NMNAT2: variants seen among roughly 807,000 people sequenced by gnomAD.
NMNAT2 encodes nicotinamide/nicotinic acid mononucleotide adenylyltransferase 2.
NMNAT2 carries 11 observed loss-of-function variants against 41.6 expected under a neutral mutation model. The ratio of observed to expected loss-of-function variants is 0.26; its 90% confidence interval spans 0.17 to 0.44. The LOEUF (loss-of-function observed/expected upper bound fraction) is 0.44, where lower values mean the gene tolerates loss of function less well. Among genes scored for constraint, NMNAT2 ranks in the 20% least tolerant of loss-of-function variants. NMNAT2 has a pLI of 1.00. For missense variants in NMNAT2, 288 were observed against 407.7 expected (o/e 0.71, Z 2.53); for synonymous variants, 148 against 151.2 (o/e 0.98, Z 0.16).
chr1:183,417,984 G>T (rs985980668), intron 1 of NMNAT2, among the ~76,000 whole-genome samples, 199 bp downstream of exon 1: 2 of 151,672 alleles, frequency 1.3e-5, no homozygotes, highest in Non-Finnish European at 2.9e-5. Flanking sequence ...GTCTGGCCCC[G>T]GCAAGTGACG....
In NMNAT2 at chr1:183,252,525, G is replaced by C. The variant is rs1660416759; in HGVS notation, c.*116C>G. On this transcript the variant is annotated 3_prime_UTR_variant, in exon 11 of 11. Coordinates refer to ENST00000287713, the MANE Select transcript of NMNAT2 (RefSeq NM_015039.4). ...GGTCCCCCACACTATGGGGGGTTAAGTCAGCAAGTAGGGAAAACAGTCAAG... is the reference window on the plus strand; with the variant it reads ...GGTCCCCCACACTATGGGGGGTTAACTCAGCAAGTAGGGAAAACAGTCAAG... 1 of 781,542 alleles carries C rather than the reference G, an allele frequency of 1.3e-6. No homozygotes were observed. The highest frequency in any genetic ancestry group is 2.3e-6 in the Non-Finnish European group (1 of 439,908). 48.4% of individuals were successfully genotyped at this position (781,542 alleles called of 1,614,324 possible).
intron 1 of NMNAT2, among the ~76,000 whole-genome samples, chr1:183,314,081 G>A (rs1365270360): frequency 2.0e-5 from 3 of 152,194 alleles, no homozygotes; most frequent in Non-Finnish European, 2.9e-5. Context: ...AGTGTCTGCC[G>A]TGTGGAACCT....
intron 1 of NMNAT2, among the ~76,000 whole-genome samples, chr1:183,416,330 A>C (rs965848104): frequency 6.6e-6 from 1 of 152,198 alleles, no homozygotes; most frequent in Non-Finnish European, 1.5e-5. Flanking sequence ...CCCCAGCCCA[A>C]TGGCTCTTCC....
chr1:183,372,074 C>A (rs1333684675), intron 1 of NMNAT2, among the ~76,000 whole-genome samples: 1 of 152,190 alleles, frequency 6.6e-6, no homozygotes. Flanking sequence ...AGCCCCTGTA[C>A]CCAGCCATAT....
At chr1:183,316,700 C>A (rs1348436225) in intron 1 of NMNAT2, among the ~76,000 whole-genome samples, 1 of 152,224 alleles carries the variant, frequency 6.6e-6, no homozygotes, top group Non-Finnish European at 1.5e-5. Context: ...GCTCCTCCCC[C>A]ACAGCCCTTA....
At chr1:183,308,449 TC>T (rs1662043426) in intron 1 of NMNAT2, among the ~76,000 whole-genome samples, 1 of 152,116 alleles carries the variant, frequency 6.6e-6, no homozygotes, top group African/African-American at 2.4e-5. Context: ...CACTTCCACC[TC>T]CAGGAATCCA....
chr1:183,380,175 TC>T (rs1455317079), intron 1 of NMNAT2, among the ~76,000 whole-genome samples: 1 of 152,230 alleles, frequency 6.6e-6, no homozygotes, highest in Non-Finnish European at 1.5e-5. Flanking sequence ...TTTTCTCTGG[TC>T]ATAATTCTCT....
At chr1:183,269,379 T>C (rs1660922504) in intron 8 of NMNAT2, among the ~76,000 whole-genome samples, 1 of 152,236 alleles carries the variant, frequency 6.6e-6, no homozygotes, top group Non-Finnish European at 1.5e-5. Context: ...AACACAGGAC[T>C]TGAAACTTCC....
intron 10 of NMNAT2, among the ~76,000 whole-genome samples, chr1:183,256,908 T>C (rs1402370167): frequency 1.3e-5 from 2 of 151,948 alleles, no homozygotes; most frequent in African/African-American, 2.4e-5. Flanking sequence ...CGTGCCACCA[T>C]GCCTGGATAA....
intron 1 of NMNAT2, among the ~76,000 whole-genome samples, chr1:183,414,644 A>C (rs1372487334): frequency 1.3e-5 from 2 of 152,244 alleles, no homozygotes; most frequent in Admixed American, 1.3e-4. Flanking sequence ...TTGAGTATAC[A>C]AGTGTCAAAT....
At chr1:183,415,881 G>A (rs1454146520) in intron 1 of NMNAT2, among the ~76,000 whole-genome samples, 1 of 152,094 alleles carries the variant, frequency 6.6e-6, no homozygotes, top group African/African-American at 2.4e-5. Flanking sequence ...TTCTTCATTA[G>A]GTAATAAACT....
chr1:183,355,744 C>G (rs141285346), intron 1 of NMNAT2, among the ~76,000 whole-genome samples: 3 of 152,362 alleles, frequency 2.0e-5, no homozygotes, highest in East Asian at 1.9e-4. Context: ...CTCTAGCAGG[C>G]CTCCAGCCCG....
At chr1:183,273,724 C>CTCTTTCTT (rs535000059) in intron 8 of NMNAT2, among the ~76,000 whole-genome samples, 1 of 152,000 alleles carries the variant, frequency 6.6e-6, no homozygotes, top group Non-Finnish European at 1.5e-5. Context: ...TTCTTTCTTT[C>CTCTTTCTT]TCTTTCTTTC....
At chr1:183,259,631 A>G (rs1175741408) in intron 10 of NMNAT2, among the ~76,000 whole-genome samples, 1 of 151,368 alleles carries the variant, frequency 6.6e-6, no homozygotes, top group South Asian at 2.1e-4. Context: ...ATGGGGTCTC[A>G]CTCTGTCACC....
chr1:183,338,283 T>C (rs2102343207), intron 1 of NMNAT2, among the ~76,000 whole-genome samples: 1 of 146,752 alleles, frequency 6.8e-6, no homozygotes, highest in Non-Finnish European at 1.5e-5. Context: ...ATCTGAAAAC[T>C]GCAAGACACT....
chr1:183,288,519 C>A lies in NMNAT2; in HGVS notation c.321+1609G>T, dbSNP rs76562334. On this transcript the variant is annotated intron_variant, in intron 4 of 10. Transcript: ENST00000287713. ...AGAGCTTCTCTGGCCCAGACTTATA[C>A]CCTGGGCATAAGTAACACAGGGAGA... 2.9e-4 allele frequency among the ~76,000 whole-genome samples: 44 copies of A among 152,344 alleles called. 1 individual carries two copies. In the East Asian group the frequency reaches 8.3e-3, roughly 29 times the overall value.
chr1:183,364,418 A>T (rs1023436639), intron 1 of NMNAT2, among the ~76,000 whole-genome samples: 1 of 152,218 alleles, frequency 6.6e-6, no homozygotes, highest in Non-Finnish European at 1.5e-5. Flanking sequence ...GTATACAATC[A>T]CTAGAAGGGA....
At chr1:183,402,995 G>A (rs1383063841) in intron 1 of NMNAT2, among the ~76,000 whole-genome samples, 1 of 149,452 alleles carries the variant, frequency 6.7e-6, no homozygotes, top group Non-Finnish European at 1.5e-5. Context: ...GTGCAAGGAC[G>A]TGATCTCGGC....
chr1:183,395,135 C>G (rs966794529), intron 1 of NMNAT2, among the ~76,000 whole-genome samples: 1 of 152,158 alleles, frequency 6.6e-6, no homozygotes, highest in Non-Finnish European at 1.5e-5. Flanking sequence ...ATCACTTACT[C>G]TGGACTAGAC....
Sources: allele counts gnomAD v4.1 joint callset (sites outside exome capture counted in the v4.1 genomes callset), GRCh38; gene constraint gnomAD v4.1.1; transcripts MANE v1.5; gene names NCBI Gene and HGNC (gene_info 2026-07-23, HGNC 2026-07-21).